The following HS3ST4 variants were observed in gnomAD, a reference collection of about 807,000 sequenced individuals.
HS3ST4 encodes heparan sulfate-glucosamine 3-sulfotransferase 4.
A neutral mutation model predicts 29.2 loss-of-function variants in HS3ST4; 17 were observed. That is an observed-to-expected ratio of 0.58 (90% CI 0.40 to 0.87). The LOEUF (loss-of-function observed/expected upper bound fraction) is 0.87, where lower values mean the gene tolerates loss of function less well. Ranked by LOEUF, HS3ST4 falls within the 40% of genes least tolerant of loss-of-function variation. The probability of loss-of-function intolerance (pLI) is 0.00; values close to 1 mark genes in which losing one functional copy is unlikely to be tolerated. For missense variants in HS3ST4, 627 were observed against 634.5 expected (o/e 0.99, Z 0.13); for synonymous variants, 314 against 285.7 (o/e 1.10, Z -1.00).
chr16:25,861,145 T>C (rs186674366), intron 1 of HS3ST4, among the ~76,000 whole-genome samples: 1 of 152,326 alleles, frequency 6.6e-6, no homozygotes, highest in African/African-American at 2.4e-5. Flanking sequence ...TCAGATGCCC[T>C]TGTGTGAGAG....
intron 1 of HS3ST4, among the ~76,000 whole-genome samples, chr16:25,976,587 T>C (rs1968945905): frequency 6.6e-6 from 1 of 152,172 alleles, no homozygotes; most frequent in South Asian, 2.1e-4. Flanking sequence ...TATTTAGGCA[T>C]GCAATGTCTG....
chr16:26,113,470 A>ATGTGTGTGTG (rs55722050), intron 1 of HS3ST4, among the ~76,000 whole-genome samples: 1,501 of 132,154 alleles, frequency 0.011, 32 homozygotes, highest in East Asian at 0.046. Context: ...ACAATATATG[A>ATGTGTGTGTG]TGTGTGTGTG....
At chr16:25,931,690 C>T (rs1273825799) in intron 1 of HS3ST4, among the ~76,000 whole-genome samples, 1 of 152,160 alleles carries the variant, frequency 6.6e-6, no homozygotes, top group Non-Finnish European at 1.5e-5. Flanking sequence ...CAGGTCTATG[C>T]AGATAGATTC....
chr16:26,097,202 A>G (rs1029864299), intron 1 of HS3ST4, among the ~76,000 whole-genome samples: 10 of 152,082 alleles, frequency 6.6e-5, no homozygotes, highest in Non-Finnish European at 1.3e-4. Flanking sequence ...CAAGCTACCA[A>G]TGACTTTATT....
At chr16:26,016,833 C>T (rs112668306) in intron 1 of HS3ST4, among the ~76,000 whole-genome samples, 385 of 152,288 alleles carry the variant, frequency 2.5e-3, no homozygotes, top group African/African-American at 8.9e-3. Context: ...TTGGTTCTTT[C>T]CTTCCTTCTG....
intron 1 of HS3ST4, among the ~76,000 whole-genome samples, chr16:25,799,689 A>G (rs62036285): frequency 1.4e-3 from 216 of 152,258 alleles, no homozygotes; most frequent in South Asian, 7.7e-3. Flanking sequence ...ATGTTTCCTC[A>G]TCTGTAAAAT....
chr16:25,697,400 G>A (rs1435836979), intron 1 of HS3ST4, among the ~76,000 whole-genome samples: 1 of 152,178 alleles, frequency 6.6e-6, no homozygotes, highest in Admixed American at 6.5e-5. Context: ...AAATTGAAAT[G>A]TGCTGTAAGT....
At chr16:26,001,381 T>C (rs1044586503) in intron 1 of HS3ST4, among the ~76,000 whole-genome samples, 1 of 152,222 alleles carries the variant, frequency 6.6e-6, no homozygotes, top group Non-Finnish European at 1.5e-5. Context: ...TTTGCTTTAA[T>C]GAAATGCTAA....
Position 25,790,256 on chromosome 16 carries a change from A to G in HS3ST4, c.734+97105A>G, listed in dbSNP as rs372983465. 7.2e-5 allele frequency among the ~76,000 whole-genome samples: 11 copies of G among 152,196 alleles called. No individual in the cohort carries two copies. In the South Asian group the frequency reaches 2.1e-3, roughly 29 times the overall value. On this transcript the variant is annotated intron_variant, in intron 1 of 1. Coordinates refer to ENST00000331351, the MANE Select transcript of HS3ST4 (RefSeq NM_006040.3). ...TGAAACCCCGTCTCTACAAAAATAC[A>G]AAAATTAGCTGGATGTGATGGCAGG...
At chr16:25,865,344 C>A (rs1051120565) in intron 1 of HS3ST4, among the ~76,000 whole-genome samples, 1 of 152,154 alleles carries the variant, frequency 6.6e-6, no homozygotes, top group African/African-American at 2.4e-5. Flanking sequence ...ATAGTAGCCA[C>A]TCTGACAGGT....
chr16:26,126,823 A>G (rs1321225844), intron 1 of HS3ST4, among the ~76,000 whole-genome samples: 2 of 152,190 alleles, frequency 1.3e-5, no homozygotes, highest in Non-Finnish European at 2.9e-5. Flanking sequence ...CAGAATGTTG[A>G]CAGTGCTGAA....
intron 1 of HS3ST4, among the ~76,000 whole-genome samples, chr16:25,697,453 AT>A (rs1162281776): frequency 6.6e-6 from 1 of 152,234 alleles, no homozygotes; most frequent in Non-Finnish European, 1.5e-5. Flanking sequence ...ATAATTTTAG[AT>A]TGCTTACATG....
chr16:25,696,815 T>C (rs1181036503), intron 1 of HS3ST4, among the ~76,000 whole-genome samples: 1 of 152,202 alleles, frequency 6.6e-6, no homozygotes, highest in African/African-American at 2.4e-5. Context: ...TGGAGAAGGA[T>C]GGAATTTCAT....
chr16:26,028,448 C>G (rs147535283), intron 1 of HS3ST4, among the ~76,000 whole-genome samples: 1 of 152,126 alleles, frequency 6.6e-6, no homozygotes, highest in African/African-American at 2.4e-5. Context: ...TAAAACAAAA[C>G]TATTTATTTT....
At chr16:25,953,601 G>A (rs780657868) in intron 1 of HS3ST4, among the ~76,000 whole-genome samples, 5 of 152,166 alleles carry the variant, frequency 3.3e-5, no homozygotes, top group Non-Finnish European at 7.4e-5. Context: ...GGGTGAATGG[G>A]GATGAGATGG....
intron 1 of HS3ST4, among the ~76,000 whole-genome samples, chr16:25,744,730 G>A (rs891518252): frequency 2.0e-5 from 3 of 152,120 alleles, no homozygotes; most frequent in Non-Finnish European, 2.9e-5. Flanking sequence ...ACAGGGGCAG[G>A]TCTTTCCCAT....
At chr16:26,010,680 G>C (rs571190777) in intron 1 of HS3ST4, among the ~76,000 whole-genome samples, 1 of 152,042 alleles carries the variant, frequency 6.6e-6, no homozygotes, top group Non-Finnish European at 1.5e-5. Flanking sequence ...TTTGCAAAGA[G>C]ATGTTCTGCG....
intron 1 of HS3ST4, among the ~76,000 whole-genome samples, chr16:25,952,670 A>G (rs957175960): frequency 1.3e-5 from 2 of 152,216 alleles, no homozygotes; most frequent in African/African-American, 2.4e-5. Context: ...TGTTATTACT[A>G]TCATTTTCAG....
chr16:25,733,107 C>T (rs1966582688), intron 1 of HS3ST4, among the ~76,000 whole-genome samples: 1 of 152,230 alleles, frequency 6.6e-6, no homozygotes, highest in Non-Finnish European at 1.5e-5. Flanking sequence ...TAGGCTTTCT[C>T]TTCCTCTGGG....
Sources: allele counts gnomAD v4.1 joint callset (sites outside exome capture counted in the v4.1 genomes callset), GRCh38; gene constraint gnomAD v4.1.1; transcripts MANE v1.5; gene names NCBI Gene and HGNC (gene_info 2026-07-23, HGNC 2026-07-21).